SYT1: variants seen among roughly 807,000 people sequenced by gnomAD.
SYT1 encodes synaptotagmin-1.
In SYT1, 8 loss-of-function variants were observed where a neutral mutation model predicts 44.8. The ratio of observed to expected loss-of-function variants is 0.18; its 90% CI spans 0.10 to 0.32. The LOEUF (loss-of-function observed/expected upper bound fraction) is 0.32, where lower values mean the gene tolerates loss of function less well. Ranked by LOEUF, SYT1 falls within the 10% of genes least tolerant of loss-of-function variation. The pLI is 1.00. For missense variants in SYT1, 286 were observed against 509.3 expected (o/e 0.56, Z 4.22); for synonymous variants, 154 against 188.8 (o/e 0.82, Z 1.51).
At chr12:79,188,195 G>A (rs1872913224) in intron 3 of SYT1, among the ~76,000 whole-genome samples, 1 of 151,926 alleles carries the variant, frequency 6.6e-6, no homozygotes, top group Admixed American at 6.6e-5. Flanking sequence ...AGATCATATA[G>A]CATGTAATAC....
At chr12:79,152,791 T>A (rs1870354578) in intron 3 of SYT1, among the ~76,000 whole-genome samples, 1 of 151,562 alleles carries the variant, frequency 6.6e-6, no homozygotes, top group African/African-American at 2.4e-5. Flanking sequence ...TTATAGAAAT[T>A]TTTGCTAGGA....
chr12:79,150,265 T>C (rs1275031524), intron 3 of SYT1, among the ~76,000 whole-genome samples: 1 of 152,160 alleles, frequency 6.6e-6, no homozygotes, highest in Non-Finnish European at 1.5e-5. Flanking sequence ...TAGAATACTA[T>C]TCAGCCATTA....
chr12:79,048,356 A>G (rs1874227941), intron 3 of SYT1, among the ~76,000 whole-genome samples: 1 of 151,858 alleles, frequency 6.6e-6, no homozygotes, highest in African/African-American at 2.4e-5. Flanking sequence ...TTTAGCCCCA[A>G]AGAACTTTGA....
At chr12:79,404,122 A>C (rs7303658) in intron 9 of SYT1, among the ~76,000 whole-genome samples, 20,777 of 152,188 alleles carry the variant, frequency 0.14, 1,857 homozygotes, top group Middle Eastern at 0.34. Context: ...CTCTGAGTAC[A>C]GATTTCACAG....
intron 9 of SYT1, among the ~76,000 whole-genome samples, chr12:79,411,226 G>T (rs954421752): frequency 6.6e-6 from 1 of 152,186 alleles, no homozygotes; most frequent in African/African-American, 2.4e-5. Flanking sequence ...CCATGGACCT[G>T]TGTGGCACAT....
At chr12:79,117,152 A>G (rs1202425661) in intron 3 of SYT1, among the ~76,000 whole-genome samples, 2 of 152,198 alleles carry the variant, frequency 1.3e-5, no homozygotes, top group Non-Finnish European at 2.9e-5. Context: ...GGTGGTCCCA[A>G]TAAAATCATT....
Position 79,307,636 on chromosome 12 carries a change from G to A in SYT1, c.810+8085G>A, listed in dbSNP as rs534912589. 3.3e-5 allele frequency among the ~76,000 whole-genome samples: 4 copies of A among 120,500 alleles called. No homozygotes were observed. The East Asian group carries it at 9.9e-4, about 30-fold the overall frequency. 79.1% of individuals were successfully genotyped at this position (120,500 alleles called of 152,430 possible). A position where few individuals can be genotyped will look rare whatever the true frequency, so the allele number is the denominator to read the frequency against. ...GGGCTGGGGGTGGGGGTGGGGGGGC[G>A]TGGGGGGGGGCGGCAGGAGGAGCCC... On this transcript the variant is annotated intron_variant, in intron 8 of 10. Coordinates refer to ENST00000261205, the MANE Select transcript of SYT1 (RefSeq NM_005639.3).
At chr12:79,447,663 C>T (rs541435137) in intron 10 of SYT1, among the ~76,000 whole-genome samples, 1 of 152,148 alleles carries the variant, frequency 6.6e-6, no homozygotes, top group East Asian at 1.9e-4. Context: ...TCAGTATAGC[C>T]CTCTTCTTTG....
chr12:78,956,974 T>C (rs1309641689), intron 1 of SYT1, among the ~76,000 whole-genome samples: 1 of 152,178 alleles, frequency 6.6e-6, no homozygotes, highest in African/African-American at 2.4e-5. Flanking sequence ...AGAGTGAATA[T>C]GGACTATATC....
At chr12:78,955,366 A>G (rs1177781043) in intron 1 of SYT1, 1 of 152,176 alleles carries the variant, frequency 6.6e-6, no homozygotes, top group Non-Finnish European at 1.5e-5. Flanking sequence ...TACTTGTCAC[A>G]TAGATTTTTA....
chr12:79,244,050 TAATG>T (rs1876676429), intron 4 of SYT1, among the ~76,000 whole-genome samples: 1 of 152,226 alleles, frequency 6.6e-6, no homozygotes, highest in South Asian at 2.1e-4. Flanking sequence ...CCCAGTTTCA[TAATG>T]AACTCTTACA....
At chr12:79,016,313 C>G (rs766802014) in intron 2 of SYT1, among the ~76,000 whole-genome samples, 1 of 152,026 alleles carries the variant, frequency 6.6e-6, no homozygotes, top group African/African-American at 2.4e-5. Context: ...TGATATCATA[C>G]GTGTTTCTAG....
At chr12:79,155,567 G>A (rs1400961759) in intron 3 of SYT1, among the ~76,000 whole-genome samples, 1 of 152,212 alleles carries the variant, frequency 6.6e-6, no homozygotes. Context: ...AAATCTGTGA[G>A]TAATTTAGTA....
intron 3 of SYT1, among the ~76,000 whole-genome samples, chr12:79,156,191 G>A (rs907968878): frequency 6.6e-6 from 1 of 152,108 alleles, no homozygotes; most frequent in Non-Finnish European, 1.5e-5. Context: ...AGAATGAACT[G>A]ACAGAATTGT....
intron 7 of SYT1, 89 bp from the exon 8 acceptor site, chr12:79,299,295 C>A: frequency 7.1e-7 from 1 of 1,408,302 alleles, no homozygotes; most frequent in Non-Finnish European, 9.8e-7. Context: ...GTTTATGCAA[C>A]GTAAATATTA....
chr12:78,923,136 T>C (rs1877101478), intron 1 of SYT1, among the ~76,000 whole-genome samples: 1 of 152,004 alleles, frequency 6.6e-6, no homozygotes, highest in Non-Finnish European at 1.5e-5. Flanking sequence ...ATTTCAGATG[T>C]GAAAGAAATA....
At chr12:78,876,505 A>G (rs2137044675) in intron 1 of SYT1, among the ~76,000 whole-genome samples, 1 of 121,608 alleles carries the variant, frequency 8.2e-6, no homozygotes, top group East Asian at 2.4e-4. Flanking sequence ...CTGCTCCATC[A>G]GGCTCTTTTG....
intron 3 of SYT1, among the ~76,000 whole-genome samples, chr12:79,158,571 G>A (rs903643556): frequency 5.3e-5 from 8 of 151,984 alleles, no homozygotes; most frequent in Non-Finnish European, 1.0e-4. Flanking sequence ...GACCCTTTCA[G>A]GGGAACCAGG....
intron 2 of SYT1, among the ~76,000 whole-genome samples, chr12:78,978,436 C>A (rs1321361609): frequency 6.6e-6 from 1 of 152,170 alleles, no homozygotes; most frequent in African/African-American, 2.4e-5. Context: ...CTCATTCTTT[C>A]ATATATGGCT....
Sources: allele counts gnomAD v4.1 joint callset (sites outside exome capture counted in the v4.1 genomes callset), GRCh38; gene constraint gnomAD v4.1.1; transcripts MANE v1.5; gene names NCBI Gene and HGNC (gene_info 2026-07-23, HGNC 2026-07-21).